CACNA2D3: variants seen among roughly 807,000 people sequenced by gnomAD.
CACNA2D3 encodes voltage-dependent calcium channel subunit alpha-2/delta-3.
A neutral mutation model predicts 160.6 loss-of-function variants in CACNA2D3; 60 were observed. That is an observed-to-expected ratio of 0.37 (90% CI 0.30 to 0.46). The LOEUF (loss-of-function observed/expected upper bound fraction) is 0.46, where lower values mean the gene tolerates loss of function less well. CACNA2D3 is among the 20% of genes least tolerant of loss of function. The pLI is 1.00. For missense variants in CACNA2D3, 1,205 were observed against 1,365.0 expected, an observed-to-expected ratio of 0.88 and a Z score of 1.85; for synonymous variants, 558 against 492.9, an observed-to-expected ratio of 1.13 and a Z score of -1.75.
chr3:54,343,561 G>C (rs953472497), intron 3 of CACNA2D3, among the ~76,000 whole-genome samples: 2 of 152,174 alleles, frequency 1.3e-5, no homozygotes, highest in African/African-American at 4.8e-5. Context: ...TGCGACTACA[G>C]GCATGCACCA....
intron 2 of CACNA2D3, among the ~76,000 whole-genome samples, chr3:54,222,704 T>C (rs914263538): frequency 1.2e-4 from 18 of 152,248 alleles, no homozygotes; most frequent in African/African-American, 4.1e-4. Context: ...CATAAGTTAT[T>C]GATTGCTACC....
intron 4 of CACNA2D3, among the ~76,000 whole-genome samples, chr3:54,472,099 G>A (rs1700743415): frequency 6.6e-6 from 1 of 152,148 alleles, no homozygotes; most frequent in Admixed American, 6.5e-5. Flanking sequence ...AAGAAAAAAA[G>A]AAAATTTCAG....
At chr3:54,253,457 G>A (rs1702234597) in intron 2 of CACNA2D3, among the ~76,000 whole-genome samples, 1 of 151,956 alleles carries the variant, frequency 6.6e-6, no homozygotes, top group African/African-American at 2.4e-5. Context: ...AGGGGGAGGT[G>A]CCACACACTT....
intron 18 of CACNA2D3, chr3:54,878,547 A>T (rs1699717103): frequency 6.7e-6 from 1 of 149,972 alleles, no homozygotes; most frequent in Non-Finnish European, 1.5e-5. Flanking sequence ...GGAAAGGCTA[A>T]CCCCTGTCTT....
intron 11 of CACNA2D3, among the ~76,000 whole-genome samples, chr3:54,676,097 G>A (rs567274214): frequency 1.1e-4 from 16 of 152,116 alleles, no homozygotes; most frequent in Non-Finnish European, 1.9e-4. Flanking sequence ...CCAGTTCCTC[G>A]TCTTTAGTAA....
chr3:54,929,098 G>T (rs1314113821), intron 27 of CACNA2D3, among the ~76,000 whole-genome samples: 1 of 152,170 alleles, frequency 6.6e-6, no homozygotes, highest in Non-Finnish European at 1.5e-5. Context: ...TGAGCCATTG[G>T]GTTTGGGCTC....
intron 11 of CACNA2D3, among the ~76,000 whole-genome samples, chr3:54,666,628 G>C (rs1700073379): frequency 6.6e-6 from 1 of 152,182 alleles, no homozygotes; most frequent in East Asian, 1.9e-4. Context: ...AATCTCCTCT[G>C]ATGTCTGCAG....
At chr3:54,772,095 G>A (rs1702332308) in intron 13 of CACNA2D3, among the ~76,000 whole-genome samples, 1 of 150,852 alleles carries the variant, frequency 6.6e-6, no homozygotes, top group South Asian at 2.1e-4. Flanking sequence ...CTGTGACCCT[G>A]CTGATGTGTA....
intron 31 of CACNA2D3, among the ~76,000 whole-genome samples, chr3:54,993,484 T>G (rs758109270): frequency 1.3e-5 from 2 of 152,188 alleles, no homozygotes; most frequent in Non-Finnish European, 2.9e-5. Context: ...ATATGACTTT[T>G]AGGACATTTG....
intron 10 of CACNA2D3, among the ~76,000 whole-genome samples, chr3:54,635,110 T>C (rs1310288269): frequency 6.6e-6 from 1 of 151,868 alleles, no homozygotes; most frequent in African/African-American, 2.4e-5. Context: ...AAAGGAGATC[T>C]TATGGTAAGG....
At chr3:54,631,283 A>AACACTATAT (rs1699233497) in intron 10 of CACNA2D3, among the ~76,000 whole-genome samples, 1 of 151,688 alleles carries the variant, frequency 6.6e-6, no homozygotes, top group African/African-American at 2.4e-5. Flanking sequence ...GTTGGCGATT[A>AACACTATAT]ACACTATATT....
intron 16 of CACNA2D3, among the ~76,000 whole-genome samples, chr3:54,845,795 T>A (rs1271245202): frequency 6.6e-6 from 1 of 152,190 alleles, no homozygotes; most frequent in Non-Finnish European, 1.5e-5. Context: ...GATGGAAGCA[T>A]GCATGGAAAA....
intron 2 of CACNA2D3, among the ~76,000 whole-genome samples, chr3:54,142,604 A>G (rs61486200): frequency 0.28 from 42,281 of 152,008 alleles, 6,238 homozygotes; most frequent in East Asian, 0.54. Flanking sequence ...GATGATGATG[A>G]TGATGATGAT....
intron 10 of CACNA2D3, among the ~76,000 whole-genome samples, chr3:54,637,131 TGGG>T (rs1163866170): frequency 1.3e-5 from 2 of 151,848 alleles, no homozygotes; most frequent in East Asian, 1.9e-4. Context: ...ACAGGTAAAA[TGGG>T]GGAATTGTAA....
At chr3:54,126,271 TG>T (rs1369842712) in intron 2 of CACNA2D3, among the ~76,000 whole-genome samples, 1 of 152,222 alleles carries the variant, frequency 6.6e-6, no homozygotes, top group Non-Finnish European at 1.5e-5. Flanking sequence ...AAATAATAAT[TG>T]GCCATGCATC....
At chr3:54,270,661 T>G (rs936171958) in intron 2 of CACNA2D3, among the ~76,000 whole-genome samples, 6 of 152,228 alleles carry the variant, frequency 3.9e-5, no homozygotes, top group African/African-American at 9.6e-5. Context: ...AAGGCTGAAA[T>G]CAAGGTGTCA....
chr3:54,811,999 C>T (rs1434738272), intron 13 of CACNA2D3, among the ~76,000 whole-genome samples: 3 of 152,300 alleles, frequency 2.0e-5, no homozygotes, highest in South Asian at 4.1e-4. Flanking sequence ...TGGTGGATAG[C>T]ATGTCACAGC....
intron 2 of CACNA2D3, among the ~76,000 whole-genome samples, chr3:54,124,106 T>C (rs1002579678): frequency 1.3e-5 from 2 of 152,194 alleles, no homozygotes; most frequent in Non-Finnish European, 2.9e-5. Context: ...CATTACATCA[T>C]TGCAGATAAG....
At chr3:54,559,377 C>G (rs1702289258) in intron 5 of CACNA2D3, among the ~76,000 whole-genome samples, 2 of 152,058 alleles carry the variant, frequency 1.3e-5, no homozygotes, top group South Asian at 4.2e-4. Flanking sequence ...GGCTCAACCT[C>G]CGCCTCCCAG....
Sources: gnomAD v4.1 joint callset for allele counts (sites outside exome capture counted in the v4.1 genomes callset) on GRCh38, gnomAD v4.1.1 for gene constraint, MANE v1.5 for transcripts, NCBI Gene and HGNC (gene_info 2026-07-23, HGNC 2026-07-21) for gene names.